The following TIAM1 variants were observed in gnomAD, a reference collection of about 807,000 sequenced individuals.
The protein encoded by TIAM1 is TIAM Rac1 associated GEF 1, also known as rho guanine nucleotide exchange factor TIAM1.
Under a neutral mutation model 163.5 loss-of-function variants are expected in TIAM1, and 65 were observed. That is an observed-to-expected ratio of 0.40 (90% CI 0.33 to 0.49). The LOEUF is 0.49. Ranked by LOEUF, TIAM1 falls within the 20% of genes least tolerant of loss-of-function variation. The probability of loss-of-function intolerance (pLI) is 0.77; values close to 1 mark genes in which losing one functional copy is unlikely to be tolerated. For synonymous variants in TIAM1, 833 were observed against 810.1 expected (o/e 1.03, Z -0.48); for missense variants, 1,789 against 2,044.7 (o/e 0.87, Z 2.41).
intron 16 of TIAM1, among the ~76,000 whole-genome samples, chr21:31,158,453 C>A (rs1384217112): frequency 6.6e-6 from 1 of 152,088 alleles, no homozygotes; most frequent in Non-Finnish European, 1.5e-5. Context: ...AGGCACCAAC[C>A]CTCAGGTGTA....
chr21:31,511,164 G>A (rs1489910602), intron 1 of TIAM1, among the ~76,000 whole-genome samples: 2 of 152,174 alleles, frequency 1.3e-5, no homozygotes, highest in African/African-American at 4.8e-5. Context: ...GCAGAACAAC[G>A]AGAGAATAAA....
At chr21:31,278,199 T>C (rs757214454) in intron 2 of TIAM1, among the ~76,000 whole-genome samples, 2 of 152,214 alleles carry the variant, frequency 1.3e-5, no homozygotes, top group African/African-American at 2.4e-5. Flanking sequence ...ATCACTTACA[T>C]AGAACTTTCC....
At chr21:31,290,985 T>C (rs1282016166) in intron 2 of TIAM1, among the ~76,000 whole-genome samples, 1 of 152,138 alleles carries the variant, frequency 6.6e-6, no homozygotes, top group African/African-American at 2.4e-5. Flanking sequence ...AGCTGTGCTT[T>C]TGCAACAACG....
chr21:31,196,054 G>A (rs2085834980), intron 12 of TIAM1, among the ~76,000 whole-genome samples: 1 of 151,990 alleles, frequency 6.6e-6, no homozygotes, highest in Non-Finnish European at 1.5e-5. Context: ...GAAACTATAA[G>A]GAACTTAAAT....
At chr21:31,496,485 G>C (rs889345597) in intron 1 of TIAM1, among the ~76,000 whole-genome samples, 1 of 138,010 alleles carries the variant, frequency 7.2e-6, no homozygotes, top group Non-Finnish European at 1.6e-5. Context: ...AAAAAAAAAT[G>C]GAAACTATCT....
At chr21:31,140,043 C>G (rs1183881427) in intron 22 of TIAM1, among the ~76,000 whole-genome samples, 6 of 152,202 alleles carry the variant, frequency 3.9e-5, no homozygotes, top group African/African-American at 1.4e-4. Flanking sequence ...CAACACCTGC[C>G]TGGGTCCTTC....
chr21:31,145,287 T>G (rs546500386), intron 20 of TIAM1, among the ~76,000 whole-genome samples: 1 of 152,224 alleles, frequency 6.6e-6, no homozygotes, highest in Non-Finnish European at 1.5e-5. Flanking sequence ...GAGATCTGTA[T>G]TGTGCTAATA....
intron 1 of TIAM1, among the ~76,000 whole-genome samples, chr21:31,468,801 C>T (rs771670168): frequency 6.6e-6 from 1 of 152,046 alleles, no homozygotes; most frequent in Non-Finnish European, 1.5e-5. Context: ...AGAAGGGCGA[C>T]GTGCTAAATA....
chr21:31,529,075 T>G (rs369974469), intron 1 of TIAM1, among the ~76,000 whole-genome samples: 1 of 151,446 alleles, frequency 6.6e-6, no homozygotes, highest in Non-Finnish European at 1.5e-5. Context: ...GCGCCCACCA[T>G]GCCCAGCTAA....
chr21:31,144,378 A>T (rs549597998), intron 20 of TIAM1, among the ~76,000 whole-genome samples: 1 of 152,346 alleles, frequency 6.6e-6, no homozygotes, highest in African/African-American at 2.4e-5. Context: ...CATCGACTGA[A>T]TTCCATATCA....
At chr21:31,145,299 T>G (rs2083059021) in intron 20 of TIAM1, among the ~76,000 whole-genome samples, 1 of 152,210 alleles carries the variant, frequency 6.6e-6, no homozygotes, top group African/African-American at 2.4e-5. Context: ...GTGCTAATAC[T>G]TCCTATAATA....
At chr21:31,197,415 G>A (rs1384429167) in intron 12 of TIAM1, among the ~76,000 whole-genome samples, 20 of 144,698 alleles carry the variant, frequency 1.4e-4, no homozygotes, top group South Asian at 2.2e-4. Flanking sequence ...TCGCTCTGTC[G>A]CCCAGGCTGG....
Position 31,445,621 on chromosome 21 carries a change from C to CA in TIAM1, c.-369+18361dup, listed in dbSNP as rs536390375. 8.1e-3 allele frequency among the ~76,000 whole-genome samples: 1,229 copies of CA among 152,314 alleles called. 18 individuals are homozygous for CA. The highest frequency in any genetic ancestry group is 0.027 in the African/African-American group (1,117 of 41,560). On this transcript the variant is annotated intron_variant, in intron 2 of 28. Coordinates refer to the TIAM1 transcript ENST00000286827. The stretch of plus-strand genomic sequence containing the variant: ...CTCACTGCCTACCCTGCAGAAATCT[C>CA]AGGCACTCAAACTGCAGGCAGTATC...
chr21:31,356,361 T>TC (rs543246790), intron 2 of TIAM1, among the ~76,000 whole-genome samples: 246 of 152,074 alleles, frequency 1.6e-3, no homozygotes, highest in African/African-American at 5.2e-3. Flanking sequence ...TTGTCATGCA[T>TC]CCCCCCCACA....
intron 2 of TIAM1, among the ~76,000 whole-genome samples, chr21:31,291,562 C>T (rs1426572926): frequency 1.3e-5 from 2 of 152,240 alleles, no homozygotes; most frequent in East Asian, 1.9e-4. Flanking sequence ...CTCGCTCTGT[C>T]GCCCAGGCGA....
chr21:31,148,413 T>G (rs1009523538), intron 19 of TIAM1, among the ~76,000 whole-genome samples: 1 of 152,188 alleles, frequency 6.6e-6, no homozygotes, highest in Admixed American at 6.5e-5. Context: ...CCATGTAAGA[T>G]GTGACTTTGC....
intron 2 of TIAM1, among the ~76,000 whole-genome samples, chr21:31,294,028 T>G (rs568390273): frequency 6.6e-6 from 1 of 152,180 alleles, no homozygotes; most frequent in Non-Finnish European, 1.5e-5. Context: ...GCTCTAGTCT[T>G]GGATCTGAAA....
intron 14 of TIAM1, among the ~76,000 whole-genome samples, chr21:31,185,817 G>C (rs1156525354): frequency 6.6e-6 from 1 of 151,704 alleles, no homozygotes; most frequent in African/African-American, 2.4e-5. Flanking sequence ...GACACACACA[G>C]GGCAGAAGCC....
chr21:31,225,697 T>C (rs370115541), intron 7 of TIAM1, 29 bp downstream of exon 7: 7 of 1,587,442 alleles, frequency 4.4e-6, no homozygotes, highest in Non-Finnish European at 4.3e-6. Context: ...AACAATTTTG[T>C]CCGGACCTAA....
Sources: gnomAD v4.1 joint callset for allele counts (sites outside exome capture counted in the v4.1 genomes callset) on GRCh38, gnomAD v4.1.1 for gene constraint, MANE v1.5 for transcripts, NCBI Gene and HGNC (gene_info 2026-07-23, HGNC 2026-07-21) for gene names.